Variants in RARS1 observed in about 807,000 individuals in gnomAD.
RARS1 encodes the protein arginyl-tRNA synthetase 1.
Under a neutral mutation model 78.7 loss-of-function variants are expected in RARS1, and 75 were observed. That is an observed-to-expected ratio of 0.95 (90% CI 0.79 to 1.15). RARS1 has a LOEUF of 1.15. Among genes scored for constraint, RARS1 ranks in the 50% most tolerant of loss-of-function variants. The probability of loss-of-function intolerance (pLI) is 0.00; values close to 1 mark genes in which losing one functional copy is unlikely to be tolerated. For synonymous variants in RARS1, 273 were observed against 268.2 expected (o/e 1.02, Z -0.18); for missense variants, 787 against 787.5 (o/e 1.00, Z 0.01).
chr5:168,503,652 A>G (rs868119535), intron 9 of RARS1, among the ~76,000 whole-genome samples: 28 of 151,934 alleles, frequency 1.8e-4, no homozygotes, highest in African/African-American at 5.3e-4. Flanking sequence ...ACAATATTCC[A>G]GGCCCATTTT....
intron 11 of RARS1, among the ~76,000 whole-genome samples, chr5:168,507,203 A>G (rs892320182): frequency 6.6e-6 from 1 of 152,204 alleles, no homozygotes; most frequent in African/African-American, 2.4e-5. Flanking sequence ...TCAAAGTTGA[A>G]CATAGGCAAA....
chr5:168,500,232 A>T (rs1158624417), intron 7 of RARS1, among the ~76,000 whole-genome samples: 3 of 151,814 alleles, frequency 2.0e-5, no homozygotes, highest in Non-Finnish European at 4.4e-5. Flanking sequence ...ACGAAAAAAA[A>T]ATTCATTCAG....
intron 6 of RARS1, among the ~76,000 whole-genome samples, chr5:168,496,480 T>C (rs527756691): frequency 6.6e-6 from 1 of 151,052 alleles, no homozygotes; most frequent in East Asian, 2.0e-4. Context: ...GAGAAGTGGG[T>C]TGGATCAACA....
chr5:168,492,175 C>G (rs960753425), intron 2 of RARS1, among the ~76,000 whole-genome samples: 2 of 152,166 alleles, frequency 1.3e-5, no homozygotes, highest in African/African-American at 4.8e-5. Context: ...GGTCTCATAA[C>G]AGTAAAACAA....
chr5:168,495,107 T>C (rs1758157427), intron 5 of RARS1: 2 of 843,100 alleles, frequency 2.4e-6, no homozygotes, highest in Non-Finnish European at 3.3e-6. Flanking sequence ...AATTTGATTC[T>C]TTTTCAGTTA....
chr5:168,489,805 A>G (rs1307765248), intron 2 of RARS1, among the ~76,000 whole-genome samples: 4 of 146,976 alleles, frequency 2.7e-5, no homozygotes, highest in African/African-American at 7.5e-5. Flanking sequence ...GACATCTCTC[A>G]TATTATCTTT....
chr5:168,517,684 A>G (rs1434327545), intron 13 of RARS1, 131 bp from the exon 14 acceptor site: 1 of 1,270,728 alleles, frequency 7.9e-7, no homozygotes, highest in Non-Finnish European at 1.1e-6. Flanking sequence ...GCCTAATAGT[A>G]TATCGTATAA....
At chr5:168,508,486 G>A (rs913314553) in intron 11 of RARS1, among the ~76,000 whole-genome samples, 1 of 151,724 alleles carries the variant, frequency 6.6e-6, no homozygotes, top group African/African-American at 2.4e-5. Flanking sequence ...TGGGCGTGGT[G>A]GTGGGCGCCT....
In RARS1 at chr5:168,506,219, T is replaced by C. The variant is rs115683699; in HGVS notation, c.1236+20T>C. ...GGACAAGTGAGTTTGTAAATTTGTA[T>C]GTGTTTTACATTGACTGATTAGAGG... On this transcript the variant is annotated intron_variant, in intron 10 of 14. Coordinates refer to ENST00000231572, the MANE Select transcript of RARS1 (RefSeq NM_002887.4). 179 of 1,519,380 alleles carry C rather than the reference T, an allele frequency of 1.2e-4. No individual in the cohort carries two copies. The African/African-American group carries it at 2.3e-3, about 20-fold the overall frequency. The allele number at this position is 1,519,380 out of a possible 1,614,324, so 94.1% of individuals were successfully genotyped here.
intron 1 of RARS1, among the ~76,000 whole-genome samples, chr5:168,487,437 A>C (rs905952080): frequency 6.6e-6 from 1 of 152,120 alleles, no homozygotes; most frequent in Non-Finnish European, 1.5e-5. Context: ...GGATGGTAGG[A>C]AGATAGTTCA....
chr5:168,506,679 T>TC (rs1561825296), intron 10 of RARS1, 43 bp from the exon 11 acceptor site: 1 of 1,419,796 alleles, frequency 7.0e-7, no homozygotes, highest in South Asian at 1.2e-5. Flanking sequence ...TTTTTTTTTT[T>TC]CTTTAAAGAA....
At chr5:168,494,464 A>G in intron 4 of RARS1, 86 bp from the exon 5 acceptor site, 2 of 1,559,296 alleles carry the variant, frequency 1.3e-6, no homozygotes, top group Non-Finnish European at 1.7e-6. Context: ...TGCCAGAGCC[A>G]GGTCAGTGTC....
intron 6 of RARS1, among the ~76,000 whole-genome samples, chr5:168,496,308 G>A (rs1241844962): frequency 6.7e-6 from 1 of 150,340 alleles, no homozygotes; most frequent in Non-Finnish European, 1.5e-5. Context: ...GAACCTGGGA[G>A]GCAGAGATAG....
At chr5:168,495,034 C>T in intron 5 of RARS1, 1 of 364,820 alleles carries the variant, frequency 2.7e-6, no homozygotes, top group Non-Finnish European at 4.6e-6. Flanking sequence ...TTCCACAAGG[C>T]ATTTGAGGTA....
chr5:168,489,776 C>CT (rs1397449224), intron 2 of RARS1, among the ~76,000 whole-genome samples: 1 of 151,032 alleles, frequency 6.6e-6, no homozygotes, highest in Non-Finnish European at 1.5e-5. Flanking sequence ...ACCTTAGACT[C>CT]TATCTTCCCC....
chr5:168,486,654 C>G, intron 1 of RARS1, 111 bp downstream of exon 1: 1 of 1,171,078 alleles, frequency 8.5e-7, no homozygotes, highest in Non-Finnish European at 1.2e-6. Flanking sequence ...TCCTGGTCCT[C>G]TCAGAGTGGA....
At chr5:168,503,464 T>C (rs1183386677) in intron 9 of RARS1, among the ~76,000 whole-genome samples, 1 of 152,214 alleles carries the variant, frequency 6.6e-6, no homozygotes, top group African/African-American at 2.4e-5. Flanking sequence ...CAAAGTGAGT[T>C]GTTTGATTTT....
chr5:168,506,244 G>A (rs771927709), intron 10 of RARS1, 45 bp downstream of exon 10: 2 of 1,425,256 alleles, frequency 1.4e-6, no homozygotes, highest in Admixed American at 4.7e-5. Flanking sequence ...CTGATTAGAG[G>A]TAAGACAGTA....
rs1377828945 is a variant in RARS1, at chr5:168,502,046, G to C, written c.998G>C (p.Arg333Thr). ...GCATTGGACGTCTCTTTAATAGAGA[G>C]AGGGGAATCCTTCTATCAAGATAGG... ...YDALDVSLIE[R>T]GESFYQDRMN... The change falls in exon 9 of 15, where the codon AGA (arginine) becomes ACA (threonine). Residue 333 changes from arginine (R) to threonine (T), a missense_variant. Coordinates refer to ENST00000231572, the MANE Select transcript of RARS1 (RefSeq NM_002887.4). The C allele has an allele frequency of 3.1e-6, 5 of 1,604,816 alleles. No homozygotes were observed. Among genetic ancestry groups the C allele is most frequent in the Admixed American group, 1.7e-5 (1 of 58,868 alleles).
Sources: gnomAD v4.1 joint callset for allele counts (sites outside exome capture counted in the v4.1 genomes callset) on GRCh38, gnomAD v4.1.1 for gene constraint, MANE v1.5 for transcripts, NCBI Gene and HGNC (gene_info 2026-07-23, HGNC 2026-07-21) for gene names.